Variants in CNTN4 observed in about 807,000 individuals in gnomAD.
The protein encoded by CNTN4 is contactin 4.
CNTN4 carries 77 observed loss-of-function variants against 122.5 expected under a neutral mutation model. The ratio of observed to expected loss-of-function variants is 0.63; its 90% CI spans 0.52 to 0.76. The LOEUF (loss-of-function observed/expected upper bound fraction) is 0.76. Ranked by LOEUF, CNTN4 falls within the 30% of genes least tolerant of loss-of-function variation. The pLI is 0.00. For synonymous variants in CNTN4, 512 were observed against 447.0 expected (o/e 1.15, Z -1.83); for missense variants, 1,256 against 1,259.1 (o/e 1.00, Z 0.04).
chr3:2,940,169 C>T (rs892522117), intron 13 of CNTN4, among the ~76,000 whole-genome samples: 1 of 152,182 alleles, frequency 6.6e-6, no homozygotes, highest in African/African-American at 2.4e-5. Context: ...TGTGGACAGA[C>T]TCTTCTGATT....
intron 3 of CNTN4, among the ~76,000 whole-genome samples, chr3:2,552,028 C>G (rs2078529543): frequency 6.6e-6 from 1 of 152,066 alleles, no homozygotes; most frequent in Admixed American, 6.6e-5. Flanking sequence ...AACTATTTGT[C>G]TTCACTATCC....
At chr3:2,896,720 G>A (rs1321701780) in intron 10 of CNTN4, among the ~76,000 whole-genome samples, 2 of 152,286 alleles carry the variant, frequency 1.3e-5, no homozygotes, top group African/African-American at 2.4e-5. Flanking sequence ...GCAGGAGATA[G>A]AGATTTGGGA....
chr3:2,607,157 C>T (rs546844113), intron 4 of CNTN4, among the ~76,000 whole-genome samples: 1 of 152,246 alleles, frequency 6.6e-6, no homozygotes, highest in Non-Finnish European at 1.5e-5. Context: ...CAAACTATGT[C>T]TGTTTTTGCT....
intron 5 of CNTN4, among the ~76,000 whole-genome samples, chr3:2,736,907 C>T (rs772546963): frequency 1.3e-5 from 2 of 152,120 alleles, no homozygotes; most frequent in Non-Finnish European, 2.9e-5. Context: ...CCTCAGCCTC[C>T]TGAGTAGCTA....
At position 2,488,719 on chromosome 3, in the gene CNTN4, A is replaced by G. The variant is rs73806659; in HGVS notation, c.-88-82697A>G. On this transcript the variant is annotated intron_variant, in intron 3 of 24. Coordinates refer to ENST00000418658, the MANE Select transcript of CNTN4 (RefSeq NM_175607.3). Reference sequence around the variant, plus strand: ...ACTTAAAGTCAGTTTCCAAGGACCTATCAACAACATGAAAAGAGGACTTAC... The same window carrying G: ...ACTTAAAGTCAGTTTCCAAGGACCTGTCAACAACATGAAAAGAGGACTTAC... Among the ~76,000 whole-genome samples, 942 of 152,316 alleles carry G rather than the reference A, an allele frequency of 6.2e-3. 13 individuals are homozygous for G. Among genetic ancestry groups the G allele is most frequent in the African/African-American group, 0.021 (856 of 41,568 alleles).
chr3:2,892,818 G>C (rs2094058986), intron 10 of CNTN4, among the ~76,000 whole-genome samples: 1 of 152,194 alleles, frequency 6.6e-6, no homozygotes, highest in Admixed American at 6.5e-5. Flanking sequence ...ACTTAAGCTG[G>C]AAGCAACTGC....
chr3:2,505,657 A>T (rs1047188182), intron 3 of CNTN4, among the ~76,000 whole-genome samples: 5 of 152,188 alleles, frequency 3.3e-5, no homozygotes, highest in Admixed American at 6.5e-5. Flanking sequence ...TGTCACCAAG[A>T]TTACATTAAT....
intron 7 of CNTN4, among the ~76,000 whole-genome samples, chr3:2,846,919 C>T (rs1044220174): frequency 2.6e-5 from 4 of 152,114 alleles, no homozygotes; most frequent in African/African-American, 9.7e-5. Flanking sequence ...ATCGCTTGAA[C>T]TCAAGAGGTG....
At chr3:3,029,656 G>C (rs540556492) in intron 15 of CNTN4, among the ~76,000 whole-genome samples, 14 of 152,294 alleles carry the variant, frequency 9.2e-5, no homozygotes, top group South Asian at 8.3e-4. Flanking sequence ...TGCTAGTCTA[G>C]TGTTACTGTT....
chr3:2,773,466 C>T (rs3935671), intron 6 of CNTN4, among the ~76,000 whole-genome samples: 97,587 of 151,942 alleles, frequency 0.64, 33,355 homozygotes, highest in Admixed American at 0.76. Flanking sequence ...AACATTCTTA[C>T]GGGGTACTTT....
At chr3:2,376,318 G>C (rs982530889) in intron 3 of CNTN4, among the ~76,000 whole-genome samples, 9 of 152,112 alleles carry the variant, frequency 5.9e-5, no homozygotes, top group African/African-American at 2.2e-4. Context: ...ACACTTTCTT[G>C]TTTAACGTTC....
chr3:2,180,726 C>G (rs2149281602), intron 2 of CNTN4, among the ~76,000 whole-genome samples: 1 of 152,194 alleles, frequency 6.6e-6, no homozygotes, highest in South Asian at 2.1e-4. Context: ...AGTCTGTTGA[C>G]TATCACGCAC....
chr3:2,710,998 G>T (rs747314948), intron 4 of CNTN4, among the ~76,000 whole-genome samples: 4 of 152,182 alleles, frequency 2.6e-5, no homozygotes, highest in Non-Finnish European at 5.9e-5. Context: ...AATGGCAGGG[G>T]TATGAAACCA....
rs2048913311 is a variant in CNTN4 at position 2,453,867 on chromosome 3, G to C, written c.-89+114634G>C. Among the ~76,000 whole-genome samples the C allele has an allele frequency of 2.0e-5, 3 of 152,090 alleles. No homozygotes were observed. The South Asian group carries it at 6.2e-4, about 32-fold the overall frequency. On this transcript the variant is annotated intron_variant, in intron 3 of 24. Coordinates refer to ENST00000418658, the MANE Select transcript of CNTN4 (RefSeq NM_175607.3). The stretch of plus-strand genomic sequence containing the variant: ...ATATGCAAAATCATTAAGATGGTTT[G>C]ACTTGAAACCAGCAAATCATATGAA...
intron 13 of CNTN4, among the ~76,000 whole-genome samples, chr3:2,934,208 A>G (rs993647925): frequency 1.3e-5 from 2 of 152,354 alleles, no homozygotes; most frequent in South Asian, 2.1e-4. Context: ...ATTCTTAGGC[A>G]TGTCTTGCCA....
intron 6 of CNTN4, among the ~76,000 whole-genome samples, chr3:2,749,310 A>G (rs942435516): frequency 6.9e-6 from 1 of 145,692 alleles, no homozygotes; most frequent in African/African-American, 2.5e-5. Flanking sequence ...ACAGGCTCAC[A>G]CCACCATGCC....
At chr3:2,488,467 C>T (rs974685576) in intron 3 of CNTN4, among the ~76,000 whole-genome samples, 3 of 151,970 alleles carry the variant, frequency 2.0e-5, no homozygotes, top group African/African-American at 7.3e-5. Flanking sequence ...GGTGTGTGTG[C>T]CCTGTGTGAG....
intron 4 of CNTN4, among the ~76,000 whole-genome samples, chr3:2,646,366 G>A (rs1576332253): frequency 6.6e-6 from 1 of 152,104 alleles, no homozygotes; most frequent in Non-Finnish European, 1.5e-5. Context: ...TCAAATATTG[G>A]CTAAGCATTT....
intron 4 of CNTN4, among the ~76,000 whole-genome samples, chr3:2,602,546 C>T (rs891741747): frequency 2.0e-5 from 3 of 152,128 alleles, no homozygotes; most frequent in Non-Finnish European, 2.9e-5. Flanking sequence ...TGTGAAGGAC[C>T]TCTTCAAGGA....
Sources: allele counts gnomAD v4.1 joint callset (sites outside exome capture counted in the v4.1 genomes callset), GRCh38; gene constraint gnomAD v4.1.1; transcripts MANE v1.5; gene names NCBI Gene and HGNC (gene_info 2026-07-23, HGNC 2026-07-21).